Variants in CARM1 observed in about 807,000 individuals in gnomAD.
CARM1 encodes histone-arginine methyltransferase CARM1.
A neutral mutation model predicts 72.7 loss-of-function variants in CARM1; 14 were observed. The ratio of observed to expected loss-of-function variants is 0.19; its 90% CI spans 0.13 to 0.30. The LOEUF is 0.30. Among genes scored for constraint, CARM1 ranks in the 10% least tolerant of loss-of-function variants. CARM1 has a pLI of 1.00. For synonymous variants in CARM1, 333 were observed against 345.5 expected, an observed-to-expected ratio of 0.96 and a Z score of 0.40; for missense variants, 432 against 833.7, an observed-to-expected ratio of 0.52 and a Z score of 5.93.
chr19:10,889,564 G>A (rs530044432), intron 1 of CARM1, among the ~76,000 whole-genome samples: 1 of 150,712 alleles, frequency 6.6e-6, no homozygotes, highest in Non-Finnish European at 1.5e-5. Flanking sequence ...CCTGGCCTCA[G>A]GTGATCCGCC....
intron 1 of CARM1, among the ~76,000 whole-genome samples, chr19:10,894,019 A>C (rs964646946): frequency 2.0e-5 from 3 of 152,158 alleles, no homozygotes; most frequent in Non-Finnish European, 4.4e-5. Flanking sequence ...CAAGCCACAC[A>C]GGAATGGGGG....
chr19:10,879,557 C>A (rs1437130816), intron 1 of CARM1, among the ~76,000 whole-genome samples: 4 of 152,068 alleles, frequency 2.6e-5, no homozygotes, highest in Non-Finnish European at 4.4e-5. Context: ...AGCACAGGGT[C>A]CCCTGTGAGG....
At chr19:10,906,064 C>T (rs1355917487) in intron 2 of CARM1, among the ~76,000 whole-genome samples, 2 of 150,620 alleles carry the variant, frequency 1.3e-5, no homozygotes, top group Admixed American at 6.6e-5. Context: ...ATTCTTATGC[C>T]TCAGCCTCCC....
At position 10,920,204 on chromosome 19, in the gene CARM1, G is replaced by C. The variant is rs1214819801; in HGVS notation, c.1197-232G>C. On this transcript the variant is annotated intron_variant, in intron 10 of 15. Coordinates refer to ENST00000327064, the MANE Select transcript of CARM1 (RefSeq NM_199141.2). The surrounding 1 kb of genome is among the most constrained non-coding windows in gnomAD (Gnocchi z 5.3). ...CCTCATGGGTCTGTGTCTGTCTCTT[G>C]GCACATGTCAGGGTGAGTAGGGATC... 6.6e-6 allele frequency among the ~76,000 whole-genome samples: 1 copy of C among 152,042 alleles called. No individual in the cohort carries two copies. Among genetic ancestry groups the C allele is most frequent in the African/African-American group, 2.4e-5 (1 of 41,400 alleles).
chr19:10,904,891 G>C, intron 1 of CARM1, 60 bp from the exon 2 acceptor site: 1 of 1,588,524 alleles, frequency 6.3e-7, no homozygotes. Flanking sequence ...AGGGACCCAG[G>C]CTCAAAAGAA....
chr19:10,908,107 G>A lies in CARM1; in HGVS notation c.415G>A (p.Glu139Lys). ...GHTLERSVFS[E>K]RTEESSAVQY... The stretch of plus-strand genomic sequence containing the variant: ...CACCCTGGAGCGGTCTGTGTTCAGC[G>A]AGCGGACGGAGGAGTCTTCTGCCGT... Residue 139 changes from glutamate (E) to lysine (K), a missense_variant, in exon 3 of 16, where the codon GAG (glutamate) becomes AAG (lysine). Around this residue, in one of 3 missense-constraint regions of CARM1, gnomAD observed 138 missense variants for 192.3 expected, o/e 0.72. Coordinates refer to ENST00000327064, the MANE Select transcript of CARM1 (RefSeq NM_199141.2). 1.2e-6 allele frequency: 2 copies of A among 1,614,044 alleles called. No individual in the cohort carries two copies. Among genetic ancestry groups the A allele is most frequent in the Non-Finnish European group, 1.7e-6 (2 of 1,179,956 alleles).
In CARM1 at chr19:10,921,910, G is replaced by T; in HGVS notation, c.*153G>T. ...GAACTGGGACACTTTTTTACACGAT[G>T]TTGCCGCCGTCCCCACCCTAACCCC... On this transcript the variant is annotated 3_prime_UTR_variant, in exon 16 of 16. Transcript: ENST00000327064. 4.2e-6 allele frequency: 3 copies of T among 717,838 alleles called. No homozygotes were observed. The highest frequency in any genetic ancestry group is 6.7e-6 in the Non-Finnish European group (3 of 450,406). The allele number at this position is 717,838 out of a possible 1,614,324, so 44.5% of individuals were successfully genotyped here. A position where few individuals can be genotyped will look rare whatever the true frequency, so the allele number is the denominator to read the frequency against.
At position 10,910,039 on chromosome 19, in the gene CARM1, G is replaced by T. The variant is rs535809200; in HGVS notation, c.558+832G>T. The stretch of plus-strand genomic sequence containing the variant: ...GCCCAGGAAGTTGAAACTGCGGTGA[G>T]CTGTGATTGGGGTACTGCTCTCCAG... On this transcript the variant is annotated intron_variant, in intron 4 of 15. Coordinates refer to ENST00000327064, the MANE Select transcript of CARM1 (RefSeq NM_199141.2). Among the ~76,000 whole-genome samples, 16 of 152,204 alleles carry T rather than the reference G, an allele frequency of 1.1e-4. No individual in the cohort carries two copies. The East Asian group carries it at 2.9e-3, about 28-fold the overall frequency.
Position 10,893,670 on chromosome 19 carries a change from G to A in CARM1, c.221-11281G>A, listed in dbSNP as rs144349980. On this transcript the variant is annotated intron_variant, in intron 1 of 15. Transcript: ENST00000327064. ...CCATTTTATAGATGGGGCTCCTGAG[G>A]CCAGGGGTGAAGGCAGGTGCTAGTT... Among the ~76,000 whole-genome samples the A allele has an allele frequency of 1.3e-3, 199 of 152,322 alleles. 2 individuals are homozygous for A. Among genetic ancestry groups the A allele is most frequent in the African/African-American group, 4.5e-3 (186 of 41,576 alleles).
intron 1 of CARM1, among the ~76,000 whole-genome samples, chr19:10,900,788 A>G (rs1259523100): frequency 6.6e-6 from 1 of 151,894 alleles, no homozygotes; most frequent in Non-Finnish European, 1.5e-5. Context: ...GGTTCCTGCC[A>G]TTCTCCTGCC....
intron 2 of CARM1, among the ~76,000 whole-genome samples, chr19:10,905,520 T>C (rs1228589975): frequency 6.6e-6 from 1 of 152,098 alleles, no homozygotes. Context: ...GATTCCTGAC[T>C]AGGGGTGGGA....
chr19:10,872,016 G>C lies in CARM1; in HGVS notation c.220+94G>C, dbSNP rs551902930. 3.0e-5 allele frequency: 31 copies of C among 1,039,888 alleles called. No individual in the cohort carries two copies. The African/African-American group carries it at 5.2e-4, about 18-fold the overall frequency. 64.4% of individuals were successfully genotyped at this position (1,039,888 alleles called of 1,614,324 possible). ...GGCGGGGAGGGGCCCTGAGCGCGGG[G>C]GCCTGGCGTGGGGTCCCCGGGACTG... On this transcript the variant is annotated intron_variant, in intron 1 of 15. Transcript: ENST00000327064.
chr19:10,911,360 T>C (rs2074149507), intron 4 of CARM1, among the ~76,000 whole-genome samples: 1 of 152,156 alleles, frequency 6.6e-6, no homozygotes. Flanking sequence ...GGAGGAGTTG[T>C]CTTGACACAA....
chr19:10,877,137 G>A (rs2073870630), intron 1 of CARM1, among the ~76,000 whole-genome samples: 1 of 152,014 alleles, frequency 6.6e-6, no homozygotes, highest in Admixed American at 6.6e-5. Flanking sequence ...CTGACAGCTG[G>A]GGCAGGGGTA....
At chr19:10,890,467 C>A (rs139670757) in intron 1 of CARM1, among the ~76,000 whole-genome samples, 2,389 of 151,234 alleles carry the variant, frequency 0.016, 33 homozygotes, top group Middle Eastern at 0.024. Context: ...GGGGTTTTAC[C>A]ATGTTGGCCA....
rs916664517 is a variant in CARM1, at chr19:10,921,727, C to G, written c.1797C>G (p.Ile599Met). The G allele has an allele frequency of 1.9e-6, 3 of 1,612,640 alleles. No individual in the cohort carries two copies. The highest frequency in any genetic ancestry group is 2.5e-6 in the Non-Finnish European group (3 of 1,179,346). Reference protein sequence around the residue: ...PAISMASPMSIPTNTMHYGS With the variant: ...PAISMASPMSMPTNTMHYGS ...TCTCCATGGCGTCGCCCATGTCCATCCCGACCAACACCATGCACTACGGGA... is the reference window on the plus strand; with the variant it reads ...TCTCCATGGCGTCGCCCATGTCCATGCCGACCAACACCATGCACTACGGGA... The change falls in exon 16 of 16, where the codon ATC (isoleucine) becomes ATG (methionine). Residue 599 changes from isoleucine to methionine, a missense_variant. Transcript: ENST00000327064.
At chr19:10,895,027 G>C (rs184688498) in intron 1 of CARM1, among the ~76,000 whole-genome samples, 1 of 152,044 alleles carries the variant, frequency 6.6e-6, no homozygotes, top group African/African-American at 2.4e-5. Context: ...TTACAGGCGG[G>C]AGCCACTGTT....
intron 6 of CARM1, among the ~76,000 whole-genome samples, chr19:10,914,853 G>C (rs181442875): frequency 6.3e-4 from 96 of 152,336 alleles, no homozygotes; most frequent in African/African-American, 2.2e-3. Context: ...ACTGTGCCTG[G>C]CCTGGGTGAC....
Position 10,921,365 on chromosome 19 carries a change from CG to C in CARM1, c.1616-9del, listed in dbSNP as rs747994967. Reference sequence around the variant, plus strand: ...TCTCCCTTCCTTCTTTCCTCCCTCTCGCTGCGCAGCCAACACGGGGATTGTC... The same window carrying C: ...TCTCCCTTCCTTCTTTCCTCCCTCTCCTGCGCAGCCAACACGGGGATTGTC... On this transcript the variant is annotated splice_polypyrimidine_tract_variant and intron_variant, in intron 14 of 15. Transcript: ENST00000327064. 6.2e-6 allele frequency: 10 copies of C among 1,610,396 alleles called. No individual in the cohort carries two copies. Among genetic ancestry groups the C allele is most frequent in the Admixed American group, 1.7e-5 (1 of 58,444 alleles).
Sources: allele counts gnomAD v4.1 joint callset (sites outside exome capture counted in the v4.1 genomes callset), GRCh38; gene constraint gnomAD v4.1.1; regional missense constraint gnomAD v4.1.1; non-coding constraint Gnocchi (gnomAD v3.1); transcripts MANE v1.5; gene names NCBI Gene and HGNC (gene_info 2026-07-23, HGNC 2026-07-21).